Variants in CR1 observed in about 807,000 individuals in gnomAD.
CR1 encodes complement receptor type 1.
A neutral mutation model predicts 187.3 loss-of-function variants in CR1; 116 were observed. The ratio of observed to expected loss-of-function variants is 0.62; its 90% CI spans 0.53 to 0.72. The LOEUF is 0.72. Among genes scored for constraint, CR1 ranks in the 30% least tolerant of loss-of-function variants. The pLI is 0.00. For missense variants in CR1, 1,731 were observed against 2,110.7 expected, an observed-to-expected ratio of 0.82 and a Z score of 3.52; for synonymous variants, 576 against 747.1, an observed-to-expected ratio of 0.77 and a Z score of 3.73.
intron 35 of CR1, among the ~76,000 whole-genome samples, chr1:207,591,253 C>T (rs1661263170): frequency 6.6e-6 from 1 of 152,206 alleles, no homozygotes; most frequent in African/African-American, 2.4e-5. Flanking sequence ...CAAACAGTCT[C>T]TCAGACCACA....
intron 1 of CR1, among the ~76,000 whole-genome samples, chr1:207,502,910 C>T (rs1342467185): frequency 6.6e-6 from 1 of 152,154 alleles, no homozygotes; most frequent in Non-Finnish European, 1.5e-5. Flanking sequence ...ATCCGGGGCA[C>T]ATTCACTCAG....
intron 24 of CR1, among the ~76,000 whole-genome samples, chr1:207,567,269 T>TG (rs1484010254): frequency 2.0e-5 from 3 of 149,674 alleles, no homozygotes; most frequent in Non-Finnish European, 2.9e-5. Flanking sequence ...TTTGGAGTTT[T>TG]TTTTTTTTTT....
At position 207,639,397 on chromosome 1, in the gene CR1, G is replaced by C; in HGVS notation, c.7458G>C (p.Arg2486Ser). 6.3e-7 allele frequency: 1 copy of C among 1,599,020 alleles called. No individual in the cohort carries two copies. The highest frequency in any genetic ancestry group is 8.5e-7 in the Non-Finnish European group (1 of 1,171,824). ...AAATGAAAACATCCTGTTATTTCAG[G>C]GTCCTTCCTTGACAAAGTACTATAC... ...RTLQTNEENS[R>S]VLP The change falls in exon 47 of 47, where the codon AGG becomes AGC. Residue 2486 changes from arginine (R) to serine (S), a missense_variant and splice_region_variant. This residue lies in a region of CR1 where 1,312 missense variants were observed against 1,379.6 expected (regional missense o/e 0.95). Coordinates refer to ENST00000367049, the MANE Select transcript of CR1 (RefSeq NM_000651.6).
At chr1:207,609,788 G>A in intron 37 of CR1, 100 bp downstream of exon 37, 6 of 1,258,098 alleles carry the variant, frequency 4.8e-6, no homozygotes, top group Non-Finnish European at 6.3e-6. Context: ...TATGAAATTG[G>A]CATAAACATA....
chr1:207,577,819 C>T lies in CR1; in HGVS notation c.4552C>T (p.Leu1518=). The part of the protein sequence containing the change: ...PPICQRIPCG[L]PPTIANGDFI... Reference sequence around the variant, plus strand: ...CTCTTTTCCAGGAATTCCTTGTGGGCTACCCCCAACCATCGCCAATGGAGA... The same window carrying T: ...CTCTTTTCCAGGAATTCCTTGTGGGTTACCCCCAACCATCGCCAATGGAGA... The change falls in exon 29 of 47, where the codon CTA becomes TTA. Residue 1518 remains leucine, a synonymous_variant. Transcript: ENST00000367049. 1 of 1,613,896 alleles carries T rather than the reference C, an allele frequency of 6.2e-7. No homozygotes were observed. The highest frequency in any genetic ancestry group is 1.7e-4 in the Middle Eastern group (1 of 6,018).
chr1:207,634,270 A>ATT (rs1662743878), intron 46 of CR1, among the ~76,000 whole-genome samples: 1 of 152,160 alleles, frequency 6.6e-6, no homozygotes, highest in Non-Finnish European at 1.5e-5. Context: ...TACACCTCAA[A>ATT]TTGTGTACAC....
At chr1:207,504,755 T>C (rs1372623251) in intron 1 of CR1, among the ~76,000 whole-genome samples, 1 of 152,200 alleles carries the variant, frequency 6.6e-6, no homozygotes, top group Admixed American at 6.5e-5. Context: ...TTTGAATGGA[T>C]GGATGCTGAT....
intron 4 of CR1, among the ~76,000 whole-genome samples, chr1:207,513,599 C>T (rs149959269): frequency 8.1e-4 from 124 of 152,332 alleles, no homozygotes; most frequent in African/African-American, 2.8e-3. Context: ...TAGTCCAGAA[C>T]CGTACAGAGA....
chr1:207,499,773 T>C (rs1441711023), intron 1 of CR1, among the ~76,000 whole-genome samples: 1 of 152,240 alleles, frequency 6.6e-6, no homozygotes, highest in African/African-American at 2.4e-5. Flanking sequence ...TCCAATTTGC[T>C]TTCTGTGCTT....
Position 207,578,348 on chromosome 1 carries a change from T to C in CR1, c.4936+145T>C. ...GGGGGAAGAAGCATGAAATTAAGAA[T>C]TGGGGGTGTGCATGCACCCATGCAT... is the stretch of plus-strand genomic sequence containing the variant. On this transcript the variant is annotated intron_variant, in intron 29 of 46. Coordinates refer to ENST00000367049, the MANE Select transcript of CR1 (RefSeq NM_000651.6). 3 of 1,519,518 alleles carry C rather than the reference T, an allele frequency of 2.0e-6. No homozygotes were observed. The South Asian group carries it at 3.8e-5, about 19-fold the overall frequency. The allele number at this position is 1,519,518 out of a possible 1,614,324, so 94.1% of individuals were successfully genotyped here. A position where few individuals can be genotyped will look rare whatever the true frequency, so the allele number is the denominator to read the frequency against.
At chr1:207,624,416 A>G (rs1662419245) in intron 45 of CR1, among the ~76,000 whole-genome samples, 1 of 152,212 alleles carries the variant, frequency 6.6e-6, no homozygotes, top group Non-Finnish European at 1.5e-5. Context: ...TACCCATAGA[A>G]AAACTGAATT....
At chr1:207,570,213 GCA>G in intron 27 of CR1, 1 of 443,412 alleles carries the variant, frequency 2.3e-6, no homozygotes, top group South Asian at 2.8e-5. Flanking sequence ...AGTAGTCAAA[GCA>G]CACAAACAAC....
At chr1:207,593,890 A>G (rs1009559385) in intron 35 of CR1, among the ~76,000 whole-genome samples, 7 of 152,250 alleles carry the variant, frequency 4.6e-5, no homozygotes, top group African/African-American at 1.4e-4. Context: ...ATGCAAATCA[A>G]AACCACATTG....
chr1:207,632,797 C>CAAAAAAAAAAAAA (rs55649027), intron 46 of CR1, among the ~76,000 whole-genome samples: 10 of 107,638 alleles, frequency 9.3e-5, no homozygotes, highest in African/African-American at 4.0e-4. Context: ...GACTCCGTCT[C>CAAAAAAAAAAAAA]AAAAAAAAAA....
At chr1:207,587,930 TAGAG>T (rs1661161105) in intron 34 of CR1, among the ~76,000 whole-genome samples, 1 of 152,168 alleles carries the variant, frequency 6.6e-6, no homozygotes, top group Admixed American at 6.5e-5. Context: ...ACAAAAGAAT[TAGAG>T]AGAAAATTTA....
At chr1:207,503,152 C>T (rs1165517922) in intron 1 of CR1, among the ~76,000 whole-genome samples, 1 of 152,144 alleles carries the variant, frequency 6.6e-6, no homozygotes, top group Non-Finnish European at 1.5e-5. Context: ...GCAGCATATA[C>T]TACTTTTGAT....
chr1:207,500,238 CT>C (rs1467526471), intron 1 of CR1, among the ~76,000 whole-genome samples: 1 of 152,106 alleles, frequency 6.6e-6, no homozygotes, highest in Admixed American at 6.5e-5. Flanking sequence ...TTTATTTTAT[CT>C]GTGTTACATT....
intron 42 of CR1, among the ~76,000 whole-genome samples, chr1:207,619,594 C>A (rs993859319): frequency 1.3e-5 from 2 of 152,138 alleles, no homozygotes; most frequent in Non-Finnish European, 2.9e-5. Context: ...GGCTAGATCA[C>A]CGTTAGCCTA....
chr1:207,564,894 G>C (rs1210985852), intron 23 of CR1, among the ~76,000 whole-genome samples: 1 of 150,364 alleles, frequency 6.7e-6, no homozygotes, highest in East Asian at 1.9e-4. Flanking sequence ...ATTATTAAAA[G>C]CTAGGATCCT....
Sources: allele counts gnomAD v4.1 joint callset (sites outside exome capture counted in the v4.1 genomes callset), GRCh38; gene constraint gnomAD v4.1.1; regional missense constraint gnomAD v4.1.1; transcripts MANE v1.5; gene names NCBI Gene and HGNC (gene_info 2026-07-23, HGNC 2026-07-21).